ACSM4: variants seen among roughly 807,000 people sequenced by gnomAD.
The protein encoded by ACSM4 is acyl-coenzyme A synthetase ACSM4, mitochondrial.
In ACSM4, 66 loss-of-function variants were observed where a neutral mutation model predicts 73.0. The observed-to-expected ratio is 0.90, with a 90% CI of 0.74 to 1.11. ACSM4 has a LOEUF of 1.11. ACSM4 is among the 50% of genes least tolerant of loss of function. ACSM4 has a pLI of 0.00. For missense variants in ACSM4, 645 were observed against 714.4 expected (o/e 0.90, Z 1.11); for synonymous variants, 222 against 254.0 (o/e 0.87, Z 1.20).
chr12:7,322,137 T>C (rs1362368754), intron 6 of ACSM4, among the ~76,000 whole-genome samples: 2 of 152,194 alleles, frequency 1.3e-5, no homozygotes, highest in African/African-American at 2.4e-5. Context: ...GTATCATTAA[T>C]AGCATCTTCT....
Position 7,323,320 on chromosome 12 carries a change from T to C in ACSM4, c.1206+6T>C. 1 of 1,609,372 alleles carries C rather than the reference T, an allele frequency of 6.2e-7. No individual in the cohort carries two copies. The highest frequency in any genetic ancestry group is 1.1e-5 in the South Asian group (1 of 89,864). On this transcript the variant is annotated splice_donor_region_variant and intron_variant, in intron 8 of 12. Transcript: ENST00000399422. Reference sequence around the variant, plus strand: ...TGCTGCCCTATGATGTCCAGGTAGGTTGAGAAAATATCTGACTGGTTCAGT... The same window carrying C: ...TGCTGCCCTATGATGTCCAGGTAGGCTGAGAAAATATCTGACTGGTTCAGT...
chr12:7,318,807 A>C (rs1946439844), intron 5 of ACSM4, among the ~76,000 whole-genome samples: 1 of 152,226 alleles, frequency 6.6e-6, no homozygotes, highest in African/African-American at 2.4e-5. Context: ...GTTTAACAAA[A>C]TACATATTAT....
At chr12:7,310,865 C>T in intron 3 of ACSM4, 119 bp downstream of exon 3, 1 of 1,104,326 alleles carries the variant, frequency 9.1e-7, no homozygotes, top group Admixed American at 2.3e-5. Flanking sequence ...GGCTCTTACT[C>T]AGAAAAGAAT....
chr12:7,322,347 T>C (rs1946469858), intron 6 of ACSM4, 71 bp from the exon 7 acceptor site: 1 of 1,595,894 alleles, frequency 6.3e-7, no homozygotes, highest in Non-Finnish European at 8.6e-7. Context: ...ACTGCTTGAA[T>C]GTCCTAATTG....
At chr12:7,309,185 T>TA (rs753440397) in intron 2 of ACSM4, among the ~76,000 whole-genome samples, 2 of 152,146 alleles carry the variant, frequency 1.3e-5, no homozygotes, top group Non-Finnish European at 2.9e-5. Context: ...AGCCAGTGTT[T>TA]AGGATGAAAT....
intron 3 of ACSM4, among the ~76,000 whole-genome samples, chr12:7,314,136 T>C (rs1373109790): frequency 3.9e-5 from 6 of 151,948 alleles, no homozygotes; most frequent in African/African-American, 1.5e-4. Context: ...TTGGAGAGTA[T>C]TGGATGTAGA....
At chr12:7,326,089 C>G (rs1946502287) in intron 11 of ACSM4, among the ~76,000 whole-genome samples, 1 of 152,186 alleles carries the variant, frequency 6.6e-6, no homozygotes, top group Non-Finnish European at 1.5e-5. Context: ...GCTTACTAAC[C>G]TCAGTAATTG....
intron 11 of ACSM4, 81 bp downstream of exon 11, chr12:7,324,679 GA>G (rs1470967392): frequency 2.8e-6 from 4 of 1,441,524 alleles, no homozygotes; most frequent in Non-Finnish European, 3.9e-6. Context: ...GCTGAACCAA[GA>G]GAGGTCAATC....
chr12:7,306,713 T>C lies in ACSM4; in HGVS notation c.382T>C (p.Trp128Arg), dbSNP rs1228430187. Reference protein sequence around the residue: ...AVILPRIPEWWLVNVACIRTG... With the variant: ...AVILPRIPEWRLVNVACIRTG... ...GATTCTGCCCAGAATCCCTGAGTGGTGGCTGGTCAATGTAGCTTGCATACG... is the reference window on the plus strand; with the variant it reads ...GATTCTGCCCAGAATCCCTGAGTGGCGGCTGGTCAATGTAGCTTGCATACG... Residue 128 changes from tryptophan to arginine, a missense_variant, in exon 2 of 13, where the codon TGG becomes CGG. Transcript: ENST00000399422. 1.2e-6 allele frequency: 2 copies of C among 1,611,240 alleles called. No homozygotes were observed. The highest frequency in any genetic ancestry group is 1.7e-5 in the Admixed American group (1 of 59,730).
intron 4 of ACSM4, among the ~76,000 whole-genome samples, chr12:7,317,729 T>G: frequency 6.6e-6 from 1 of 152,230 alleles, no homozygotes. Flanking sequence ...TCTACCTTGC[T>G]CACTGCTGTA....
Position 7,310,695 on chromosome 12 carries a change from T to TG in ACSM4, c.571dup (p.Val191GlyfsTer21). 6.2e-7 allele frequency: 1 copy of TG among 1,613,576 alleles called. No individual in the cohort carries two copies. Among genetic ancestry groups the TG allele is most frequent in the South Asian group, 1.1e-5 (1 of 90,986 alleles). ...TGTCCTGACCTTAAGACAAAACTCC[T>TG]GGTGTCTCCACAAAGCTGGAATGGG... On this transcript the variant is annotated frameshift_variant, in exon 3 of 13. Coordinates refer to ENST00000399422, the MANE Select transcript of ACSM4 (RefSeq NM_001080454.2). LOFTEE classifies it high-confidence loss of function.
At chr12:7,325,680 C>T (rs769257141) in intron 11 of ACSM4, among the ~76,000 whole-genome samples, 6 of 152,188 alleles carry the variant, frequency 3.9e-5, no homozygotes, top group Admixed American at 3.9e-4. Flanking sequence ...AAACTGTGGC[C>T]AGGTTCCCAA....
At chr12:7,317,922 GT>G in intron 4 of ACSM4, 103 bp from the exon 5 acceptor site, 1 of 1,263,914 alleles carries the variant, frequency 7.9e-7, no homozygotes, top group African/African-American at 1.5e-5. Context: ...ACCCTTCTCT[GT>G]AGCCCTTAAG....
rs2136334926 is a variant in ACSM4 at position 7,320,769 on chromosome 12, T to C, written c.966T>C (p.Thr322=). ...YPITTLCSPP[T]VYRMLVQKDL... ...TCACGACCCTGTGCAGTCCTCCCAC[T>C]GTGTACCGGATGCTCGTGCAAAAAG... The change falls in exon 6 of 13, where the codon ACT becomes ACC. Residue 322 remains threonine, a synonymous_variant. Transcript: ENST00000399422. The C allele has an allele frequency of 6.2e-7, 1 of 1,613,766 alleles. No homozygotes were observed. Among genetic ancestry groups the C allele is most frequent in the Non-Finnish European group, 8.5e-7 (1 of 1,179,780 alleles).
chr12:7,317,052 G>A (rs923920295), intron 3 of ACSM4, 85 bp from the exon 4 acceptor site: 1 of 1,455,756 alleles, frequency 6.9e-7, no homozygotes, highest in Non-Finnish European at 9.2e-7. Context: ...GGTAGCAAGA[G>A]GGCATAAGTA....
chr12:7,324,630 A>T (rs375527526), intron 11 of ACSM4, 32 bp downstream of exon 11: 3 of 1,604,632 alleles, frequency 1.9e-6, no homozygotes, highest in Non-Finnish European at 2.6e-6. Flanking sequence ...AAGAAGCAAC[A>T]TCATATTTTC....
intron 3 of ACSM4, among the ~76,000 whole-genome samples, chr12:7,315,455 A>G: frequency 6.6e-6 from 1 of 151,484 alleles, no homozygotes; most frequent in East Asian, 2.0e-4. Flanking sequence ...TACTAAAAAT[A>G]TAAAAATTAG....
At chr12:7,320,623 G>A in intron 5 of ACSM4, 102 bp from the exon 6 acceptor site, 2 of 911,934 alleles carry the variant, frequency 2.2e-6, no homozygotes, top group East Asian at 2.6e-5. Context: ...ACCACGGGAT[G>A]GGCACATATT....
chr12:7,324,172 C>A, intron 9 of ACSM4, 101 bp from the exon 10 acceptor site: 1 of 1,393,054 alleles, frequency 7.2e-7, no homozygotes, highest in Non-Finnish European at 9.6e-7. Flanking sequence ...AAAAAAATTT[C>A]CTATATAAGT....
Sources: allele counts gnomAD v4.1 joint callset (sites outside exome capture counted in the v4.1 genomes callset), GRCh38; gene constraint gnomAD v4.1.1; transcripts MANE v1.5; gene names NCBI Gene and HGNC (gene_info 2026-07-23, HGNC 2026-07-21).